The following DNAH9 variants were observed in gnomAD, a reference collection of about 807,000 sequenced individuals.
The protein encoded by DNAH9 is DNAH9 variant protein.
DNAH9 carries 345 observed loss-of-function variants against 471.6 expected under a neutral mutation model. The observed-to-expected ratio is 0.73, with a 90% confidence interval of 0.67 to 0.80. DNAH9 has a LOEUF of 0.80. Among genes scored for constraint, DNAH9 ranks in the 30% least tolerant of loss-of-function variants. The pLI is 0.00. For missense variants in DNAH9, 5,407 were observed against 5,609.2 expected, an observed-to-expected ratio of 0.96 and a Z score of 1.15; for synonymous variants, 2,093 against 2,123.6, an observed-to-expected ratio of 0.99 and a Z score of 0.40.
intron 59 of DNAH9, among the ~76,000 whole-genome samples, chr17:11,897,763 G>A (rs1457850015): frequency 6.6e-6 from 1 of 152,186 alleles, no homozygotes; most frequent in Non-Finnish European, 1.5e-5. Context: ...TTCTTAGAAG[G>A]CTGTGTAAGA....
intron 28 of DNAH9, among the ~76,000 whole-genome samples, chr17:11,728,357 T>C (rs1305041325): frequency 6.6e-6 from 1 of 152,180 alleles, no homozygotes; most frequent in African/African-American, 2.4e-5. Context: ...GTGAGGAATA[T>C]GGCATGAATC....
chr17:11,823,884 T>TGCAGTGA (rs994212872), intron 48 of DNAH9, among the ~76,000 whole-genome samples: 2 of 150,122 alleles, frequency 1.3e-5, no homozygotes, highest in Admixed American at 6.6e-5. Flanking sequence ...GAGCCGAGAT[T>TGCAGTGA]GCACCACTGC....
chr17:11,640,201 G>C (rs1199576992), intron 9 of DNAH9, 69 bp from the exon 10 acceptor site: 1 of 860,000 alleles, frequency 1.2e-6, no homozygotes, highest in Non-Finnish European at 1.9e-6. Flanking sequence ...CTTGGTGGGA[G>C]GTGTTTGCCG....
intron 27 of DNAH9, among the ~76,000 whole-genome samples, chr17:11,720,401 C>T (rs1172888396): frequency 2.0e-5 from 3 of 152,026 alleles, no homozygotes; most frequent in East Asian, 1.9e-4. Context: ...CTCCCCGCTT[C>T]CCCCACCCCA....
At chr17:11,879,541 TA>T (rs1972632764) in intron 53 of DNAH9, among the ~76,000 whole-genome samples, 1 of 152,164 alleles carries the variant, frequency 6.6e-6, no homozygotes, top group African/African-American at 2.4e-5. Context: ...AAATTGACTT[TA>T]AGAAAATCAA....
intron 6 of DNAH9, 192 bp downstream of exon 6, chr17:11,619,973 G>A (rs1383425714): frequency 1.6e-5 from 9 of 569,440 alleles, no homozygotes; most frequent in East Asian, 2.9e-5. Flanking sequence ...CACTTTGGGA[G>A]GCAAAGGTGG....
chr17:11,750,835 A>G (rs1967114250), intron 32 of DNAH9, among the ~76,000 whole-genome samples: 1 of 152,132 alleles, frequency 6.6e-6, no homozygotes, highest in African/African-American at 2.4e-5. Flanking sequence ...GGAAGTTAAT[A>G]TTCATCATAA....
intron 50 of DNAH9, among the ~76,000 whole-genome samples, chr17:11,867,488 C>T (rs1343108590): frequency 6.6e-6 from 1 of 151,940 alleles, no homozygotes; most frequent in African/African-American, 2.4e-5. Flanking sequence ...TTCTCTCTTC[C>T]TTTTAATAAC....
chr17:11,815,766 C>G (rs979548054), intron 45 of DNAH9, among the ~76,000 whole-genome samples: 1 of 152,070 alleles, frequency 6.6e-6, no homozygotes, highest in African/African-American at 2.4e-5. Flanking sequence ...TCCAGCCTGG[C>G]TGACAGAGCA....
In DNAH9 at chr17:11,782,047, G is replaced by A. The variant is rs140037425; in HGVS notation, c.7718+873G>A. Reference sequence around the variant, plus strand: ...GACAACTTTGACTCACCTTTCTACCGCATACTGAATCTGCTGCTGAGAAAG... The same window carrying A: ...GACAACTTTGACTCACCTTTCTACCACATACTGAATCTGCTGCTGAGAAAG... On this transcript the variant is annotated intron_variant, in intron 39 of 68. Coordinates refer to ENST00000262442, the MANE Select transcript of DNAH9 (RefSeq NM_001372.4). Among the ~76,000 whole-genome samples the A allele has an allele frequency of 5.6e-4, 85 of 151,240 alleles. No individual in the cohort carries two copies. In the East Asian group the frequency reaches 6.4e-3, roughly 11 times the overall value.
Position 11,622,381 on chromosome 17 carries a change from G to C in DNAH9, c.1350+2600G>C, listed in dbSNP as rs150697712. ...CTAAATGCCTCTTTTTCCCTCAGCC[G>C]TTTCCATCATGGTTGATGTACAGCC... On this transcript the variant is annotated intron_variant, in intron 6 of 68. Transcript: ENST00000262442. Among the ~76,000 whole-genome samples, 3 of 152,164 alleles carry C rather than the reference G, an allele frequency of 2.0e-5. No homozygotes were observed. The East Asian group carries it at 5.8e-4, about 29-fold the overall frequency.
At chr17:11,632,556 T>A in intron 7 of DNAH9, 31 bp from the exon 8 acceptor site, 1 of 1,153,448 alleles carries the variant, frequency 8.7e-7, no homozygotes, top group Non-Finnish European at 1.3e-6. Context: ...GAAAATTACG[T>A]TTTCCTTATA....
At chr17:11,727,264 T>G (rs1454488246) in intron 27 of DNAH9, among the ~76,000 whole-genome samples, 1 of 152,276 alleles carries the variant, frequency 6.6e-6, no homozygotes, top group East Asian at 1.9e-4. Flanking sequence ...CATTATTCCC[T>G]TGTAAATTCC....
intron 9 of DNAH9, among the ~76,000 whole-genome samples, chr17:11,639,523 A>G (rs2073227591): frequency 6.6e-6 from 1 of 152,212 alleles, no homozygotes; most frequent in Non-Finnish European, 1.5e-5. Context: ...GGGCTCCATA[A>G]TCCACATGAC....
intron 61 of DNAH9, among the ~76,000 whole-genome samples, chr17:11,912,756 T>C (rs1451467355): frequency 1.3e-5 from 2 of 152,224 alleles, no homozygotes; most frequent in Non-Finnish European, 2.9e-5. Flanking sequence ...ACAAGGTATA[T>C]TGACCTGTTG....
rs574321345 is a variant in DNAH9, at chr17:11,770,576, C to G, written c.7552+1247C>G. 6.5e-4 allele frequency among the ~76,000 whole-genome samples: 99 copies of G among 152,294 alleles called. 2 individuals carry two copies. The highest frequency in any genetic ancestry group is 6.9e-4 in the Non-Finnish European group (47 of 68,020). The stretch of plus-strand genomic sequence containing the variant: ...TTCTTCACCTATTTCAAACTCACCT[C>G]TAGACTTCATCCACTGCTGAGCCAA... On this transcript the variant is annotated intron_variant, in intron 38 of 68. Coordinates refer to ENST00000262442, the MANE Select transcript of DNAH9 (RefSeq NM_001372.4).
chr17:11,699,490 G>T lies in DNAH9; in HGVS notation c.4873-241G>T, dbSNP rs60391759. Reference sequence around the variant, plus strand: ...AATTTAGTCAAACCATTGTGACTTAGTTGGTTTATAGCTAGTGCACAACTC... The same window carrying T: ...AATTTAGTCAAACCATTGTGACTTATTTGGTTTATAGCTAGTGCACAACTC... On this transcript the variant is annotated intron_variant, in intron 22 of 68. Transcript: ENST00000262442. Among the ~76,000 whole-genome samples the T allele has an allele frequency of 7.2e-3, 1,092 of 152,294 alleles. 32 individuals carry two copies. In the East Asian group the frequency reaches 0.096, roughly 13 times the overall value.
At chr17:11,851,561 A>G (rs1202439875) in intron 49 of DNAH9, among the ~76,000 whole-genome samples, 2 of 152,192 alleles carry the variant, frequency 1.3e-5, no homozygotes, top group Non-Finnish European at 2.9e-5. Context: ...CTAGTGAGAA[A>G]AGGAGAAAGT....
chr17:11,762,768 TTG>T (rs1491383445), intron 35 of DNAH9, among the ~76,000 whole-genome samples: 9 of 97,956 alleles, frequency 9.2e-5, no homozygotes, highest in East Asian at 2.5e-4. Context: ...GTTTTTTTTT[TTG>T]TTTTTTTTTT....
Sources: gnomAD v4.1 joint callset for allele counts (sites outside exome capture counted in the v4.1 genomes callset) on GRCh38, gnomAD v4.1.1 for gene constraint, MANE v1.5 for transcripts, NCBI Gene and HGNC (gene_info 2026-07-23, HGNC 2026-07-21) for gene names.